Variants in DMD observed in about 807,000 individuals in gnomAD.
The protein encoded by DMD is dystrophin, also known as mutant dystrophin.
In DMD, 63 loss-of-function variants were observed where a neutral mutation model predicts 330.1. The observed-to-expected ratio is 0.19, with a 90% CI of 0.16 to 0.24. The LOEUF is 0.24. Ranked by LOEUF, DMD falls within the 10% of genes least tolerant of loss-of-function variation. The pLI is 1.00. For synonymous variants in DMD, 1,223 were observed against 959.8 expected (o/e 1.27, Z -5.07); for missense variants, 3,344 against 2,684.1 (o/e 1.25, Z -5.43).
chrX:33,113,594 C>G (rs1028349356), intron 1 of DMD, among the ~76,000 whole-genome samples: 3 of 107,709 alleles, frequency 2.8e-5, no homozygotes, highest in South Asian at 8.5e-4. Flanking sequence ...ATTCTTGCCC[C>G]CCCCCCCAAA....
intron 7 of DMD, among the ~76,000 whole-genome samples, chrX:32,723,837 C>T (rs1043581818): frequency 2.8e-5 from 3 of 108,982 alleles, no homozygotes; most frequent in Non-Finnish European, 3.8e-5. Context: ...TCTTAGGCCA[C>T]ACCTAAAATA....
At chrX:31,899,459 A>C (rs1035982259) in intron 47 of DMD, among the ~76,000 whole-genome samples, 1 of 110,773 alleles carries the variant, frequency 9.0e-6, no homozygotes, top group Non-Finnish European at 1.9e-5. Context: ...GACTGAAAAA[A>C]AGTGAAGTCC....
intron 1 of DMD, chrX:33,128,533 CTG>C: frequency 1.4e-6 from 1 of 717,665 alleles, no homozygotes; most frequent in Non-Finnish European, 1.7e-6. Flanking sequence ...CTAGAAATAA[CTG>C]TGTCGTCTGC....
At chrX:31,195,763 C>T (rs1054674074) in intron 67 of DMD, among the ~76,000 whole-genome samples, 5 of 83,779 alleles carry the variant, frequency 6.0e-5, no homozygotes, top group African/African-American at 9.5e-5. Context: ...AGAGAGAGAA[C>T]GAAAGAAAAG....
chrX:33,306,684 T>C (rs776907399), intron 1 of DMD, among the ~76,000 whole-genome samples: 73 of 111,046 alleles, frequency 6.6e-4, no homozygotes, highest in African/African-American at 2.4e-3. Flanking sequence ...GCAATATAAA[T>C]GTCATGTTGG....
chrX:32,722,407 T>C (rs1156610744), intron 7 of DMD, among the ~76,000 whole-genome samples: 1 of 110,598 alleles, frequency 9.0e-6, no homozygotes, highest in Non-Finnish European at 1.9e-5. Flanking sequence ...TTAAAGTATA[T>C]AGGGGGGTGT....
rs185086445 is a variant in DMD at position 31,556,487 on chromosome X, A to G, written c.8218-49034T>C. Among the ~76,000 whole-genome samples, 3 of 108,373 alleles carry G rather than the reference A, an allele frequency of 2.8e-5. No individual in the cohort carries two copies. In the Admixed American group the frequency reaches 3.0e-4, roughly 11 times the overall value. The allele number at this position is 108,373 out of a possible 115,157, so 94.1% of individuals were successfully genotyped here. ...TTAATCATTTGCTACATTTTAAAGA[A>G]TGAACTTGACTTCCTGTGAAGTGAA... is the stretch of plus-strand genomic sequence containing the variant. On this transcript the variant is annotated intron_variant, in intron 55 of 78. Transcript: ENST00000357033.
chrX:31,346,688 T>TA (rs1481658743), intron 61 of DMD, among the ~76,000 whole-genome samples: 1 of 109,644 alleles, frequency 9.1e-6, no homozygotes, highest in Admixed American at 9.8e-5. Flanking sequence ...AACCAGTAAA[T>TA]AAAAAGAATG....
chrX:33,245,010 A>G (rs912502019), intron 1 of DMD, among the ~76,000 whole-genome samples: 1 of 111,709 alleles, frequency 9.0e-6, no homozygotes, highest in Non-Finnish European at 1.9e-5. Flanking sequence ...TCTTCCTGCT[A>G]CCACTTAAAA....
At chrX:32,813,510 G>A (rs1388201514) in intron 6 of DMD, among the ~76,000 whole-genome samples, 3 of 111,822 alleles carry the variant, frequency 2.7e-5, no homozygotes, top group East Asian at 5.6e-4. Flanking sequence ...CAGCATCTAC[G>A]TCATGGAACT....
intron 1 of DMD, among the ~76,000 whole-genome samples, chrX:33,164,127 A>G (rs1019731443): frequency 7.2e-5 from 8 of 111,750 alleles, no homozygotes; most frequent in African/African-American, 2.6e-4. Flanking sequence ...GTTCATGCCC[A>G]TAAAGGTTGT....
rs183686568 is a variant in DMD at position 31,745,877 on chromosome X, G to A, written c.7543-16129C>T. 1.3e-4 allele frequency among the ~76,000 whole-genome samples: 14 copies of A among 110,079 alleles called. No individual in the cohort carries two copies. The East Asian group carries it at 2.8e-3, about 22-fold the overall frequency. On this transcript the variant is annotated intron_variant, in intron 51 of 78. Transcript: ENST00000357033. ...GATCTCTCTGGAAATACAACTTCAAGGATTATTATCAGTGATAAGAAGTAT... is the reference window on the plus strand; with the variant it reads ...GATCTCTCTGGAAATACAACTTCAAAGATTATTATCAGTGATAAGAAGTAT...
chrX:31,220,032 C>A (rs2045839180), intron 64 of DMD, among the ~76,000 whole-genome samples: 1 of 111,303 alleles, frequency 9.0e-6, no homozygotes, highest in Admixed American at 9.5e-5. Context: ...GTATTCAGAA[C>A]AGTCACGTGC....
rs1276758069 is a variant in DMD, at chrX:32,972,744, C to T, written c.93+47395G>A. Among the ~76,000 whole-genome samples, 4 of 111,575 alleles carry T rather than the reference C, an allele frequency of 3.6e-5. 1 individual carries two copies. Among genetic ancestry groups the T allele is most frequent in the Non-Finnish European group, 7.5e-5 (4 of 53,120 alleles). The stretch of plus-strand genomic sequence containing the variant: ...GGGTAAGTTCATTAGCATCTCCGTA[C>T]TTTAGTTTCTTTCCATATGTTAAAT... On this transcript the variant is annotated intron_variant, in intron 2 of 78. Transcript: ENST00000357033.
chrX:32,481,071 C>T (rs1196074231), intron 21 of DMD, among the ~76,000 whole-genome samples: 4 of 110,899 alleles, frequency 3.6e-5, no homozygotes, highest in African/African-American at 1.3e-4. Context: ...AATTCCCAGT[C>T]TCAGCATCCT....
At chrX:31,581,751 A>G (rs2076349572) in intron 55 of DMD, among the ~76,000 whole-genome samples, 2 of 112,129 alleles carry the variant, frequency 1.8e-5, no homozygotes, top group African/African-American at 6.5e-5. Flanking sequence ...AGAGTATTAG[A>G]ATATTAAAAA....
intron 44 of DMD, among the ~76,000 whole-genome samples, chrX:32,097,312 C>CA (rs1794851729): frequency 1.8e-5 from 2 of 111,002 alleles, no homozygotes; most frequent in African/African-American, 6.6e-5. Flanking sequence ...CATGTGTTCT[C>CA]ATTGCTCAAC....
At chrX:33,046,715 G>A (rs1323186443) in intron 1 of DMD, among the ~76,000 whole-genome samples, 1 of 111,943 alleles carries the variant, frequency 8.9e-6, no homozygotes, top group African/African-American at 3.2e-5. Flanking sequence ...TTGAGTAAAA[G>A]AATGAACAAA....
At chrX:31,697,949 A>G (rs1192006319) in intron 52 of DMD, among the ~76,000 whole-genome samples, 1 of 112,301 alleles carries the variant, frequency 8.9e-6, no homozygotes, top group African/African-American at 3.2e-5. Context: ...CCAAACTGAA[A>G]TAATGACAAC....
Sources: gnomAD v4.1 joint callset for allele counts (sites outside exome capture counted in the v4.1 genomes callset) on GRCh38, gnomAD v4.1.1 for gene constraint, MANE v1.5 for transcripts, NCBI Gene and HGNC (gene_info 2026-07-23, HGNC 2026-07-21) for gene names.